Variants in DPYD observed in about 807,000 individuals in gnomAD.
DPYD encodes dihydropyrimidine dehydrogenase [NADP(+)].
DPYD carries 109 observed loss-of-function variants against 116.2 expected under a neutral mutation model. The observed-to-expected ratio is 0.94, with a 90% CI of 0.80 to 1.10. DPYD has a LOEUF of 1.10. DPYD is among the 50% of genes least tolerant of loss of function. The pLI is 0.00. For missense variants in DPYD, 1,302 were observed against 1,254.5 expected, an observed-to-expected ratio of 1.04 and a Z score of -0.57; for synonymous variants, 440 against 432.0, an observed-to-expected ratio of 1.02 and a Z score of -0.23.
chr1:97,425,617 A>C (rs984147591), intron 14 of DPYD, among the ~76,000 whole-genome samples: 2 of 152,068 alleles, frequency 1.3e-5, no homozygotes, highest in Non-Finnish European at 2.9e-5. Flanking sequence ...ATCTATAATG[A>C]TTCATATATG....
intron 20 of DPYD, among the ~76,000 whole-genome samples, chr1:97,173,464 T>TA (rs1009288040): frequency 1.5e-5 from 2 of 130,406 alleles, no homozygotes; most frequent in African/African-American, 3.2e-5. Context: ...AGTATATATA[T>TA]ACACACATAA....
chr1:97,577,446 C>A (rs1359533305), intron 10 of DPYD, among the ~76,000 whole-genome samples: 1 of 152,148 alleles, frequency 6.6e-6, no homozygotes. Flanking sequence ...TTTAAACCAA[C>A]CAGTTAAAAT....
chr1:97,692,847 T>G (rs962537322), intron 6 of DPYD, among the ~76,000 whole-genome samples: 1 of 152,194 alleles, frequency 6.6e-6, no homozygotes, highest in Non-Finnish European at 1.5e-5. Context: ...GAGATTAATT[T>G]GGAAAATAAA....
At chr1:97,363,901 G>A (rs1023182305) in intron 16 of DPYD, among the ~76,000 whole-genome samples, 4 of 152,148 alleles carry the variant, frequency 2.6e-5, no homozygotes, top group South Asian at 2.1e-4. Flanking sequence ...GTATACCTAC[G>A]TAACAAACCT....
chr1:97,909,014 C>G (rs991063095), intron 1 of DPYD, among the ~76,000 whole-genome samples: 1 of 152,158 alleles, frequency 6.6e-6, no homozygotes, highest in Non-Finnish European at 1.5e-5. Context: ...ATGTTCACTG[C>G]TCTCATGTTC....
chr1:97,093,580 A>T (rs954695749), intron 21 of DPYD, among the ~76,000 whole-genome samples: 1 of 152,168 alleles, frequency 6.6e-6, no homozygotes, highest in Non-Finnish European at 1.5e-5. Flanking sequence ...TACTTTTATT[A>T]TTTCCATTTC....
chr1:97,523,863 C>A (rs80126442), intron 12 of DPYD, among the ~76,000 whole-genome samples: 1 of 151,810 alleles, frequency 6.6e-6, no homozygotes, highest in Non-Finnish European at 1.5e-5. Flanking sequence ...TCATTTAATG[C>A]GTATAGTGTT....
At chr1:97,424,106 A>G (rs1674735544) in intron 14 of DPYD, among the ~76,000 whole-genome samples, 1 of 152,146 alleles carries the variant, frequency 6.6e-6, no homozygotes, top group South Asian at 2.1e-4. Context: ...TTCCAATAAC[A>G]TCTAAAGCCA....
rs182433432 is a variant in DPYD, at chr1:97,540,528, T to C, written c.1524+9032A>G. ...AGCTTCTGTCCCTGTGGAGCTGGGG[T>C]GTGCCACCTTCTTGGCACACGGAAG... On this transcript the variant is annotated intron_variant, in intron 12 of 22. Coordinates refer to ENST00000370192, the MANE Select transcript of DPYD (RefSeq NM_000110.4). 1.3e-3 allele frequency among the ~76,000 whole-genome samples: 205 copies of C among 152,210 alleles called. 1 individual carries two copies. Among genetic ancestry groups the C allele is most frequent in the African/African-American group, 4.7e-3 (197 of 41,528 alleles).
chr1:97,800,918 T>C (rs1667815684), intron 3 of DPYD, among the ~76,000 whole-genome samples: 1 of 151,920 alleles, frequency 6.6e-6, no homozygotes, highest in Non-Finnish European at 1.5e-5. Context: ...TCTCCCTGAG[T>C]CTTACATCTC....
chr1:97,479,522 C>A (rs1678180863), intron 13 of DPYD, among the ~76,000 whole-genome samples: 1 of 152,090 alleles, frequency 6.6e-6, no homozygotes, highest in African/African-American at 2.4e-5. Context: ...CATCAAAGAT[C>A]ATTGGTGTAA....
chr1:97,108,104 G>A (rs1441899064), intron 20 of DPYD, among the ~76,000 whole-genome samples: 1 of 152,094 alleles, frequency 6.6e-6, no homozygotes, highest in Non-Finnish European at 1.5e-5. Context: ...CTGAGAAAAC[G>A]ATTAGCAGCC....
At chr1:97,596,814 C>T (rs2102264702) in intron 8 of DPYD, among the ~76,000 whole-genome samples, 1 of 152,310 alleles carries the variant, frequency 6.6e-6, no homozygotes, top group South Asian at 2.1e-4. Flanking sequence ...CATCCAGCAT[C>T]CCCTGAATCT....
At chr1:97,410,654 T>C (rs947126241) in intron 14 of DPYD, among the ~76,000 whole-genome samples, 6 of 152,148 alleles carry the variant, frequency 3.9e-5, no homozygotes, top group Non-Finnish European at 8.8e-5. Flanking sequence ...TAGTGTCACA[T>C]TGTGAGCATA....
Position 97,699,489 on chromosome 1 carries a change from T to G in DPYD, c.542A>C (p.Lys181Thr), listed in dbSNP as rs672601287. Reference protein sequence around the residue: ...IRNPSLPPPEKMSEAYSAKIA... With the variant: ...IRNPSLPPPETMSEAYSAKIA... ...CTTTGCAGAATAGGCTTCAGACATT[T>G]TTTCTGGGGGAGGCAGCGAAGGATT... The change falls in exon 6 of 23, where the codon AAA (lysine) becomes ACA (threonine). Residue 181 changes from lysine to threonine, a missense_variant. Coordinates refer to ENST00000370192, the MANE Select transcript of DPYD (RefSeq NM_000110.4). The G allele has an allele frequency of 1.2e-6, 2 of 1,613,562 alleles. No homozygotes were observed. The highest frequency in any genetic ancestry group is 2.2e-5 in the South Asian group (2 of 91,040).
intron 21 of DPYD, among the ~76,000 whole-genome samples, chr1:97,086,813 C>G (rs1191862661): frequency 1.3e-5 from 2 of 152,202 alleles, no homozygotes; most frequent in Non-Finnish European, 2.9e-5. Flanking sequence ...CTTTGTACAA[C>G]TTCTGCAAAT....
At chr1:97,200,256 G>T (rs754465851) in intron 19 of DPYD, among the ~76,000 whole-genome samples, 2 of 152,054 alleles carry the variant, frequency 1.3e-5, no homozygotes, top group Non-Finnish European at 2.9e-5. Context: ...TACACTTCAG[G>T]ACTTAGAAGT....
At chr1:97,500,094 A>T (rs1483640303) in intron 13 of DPYD, among the ~76,000 whole-genome samples, 1 of 152,000 alleles carries the variant, frequency 6.6e-6, no homozygotes, top group Non-Finnish European at 1.5e-5. Context: ...TAGGTGACTT[A>T]TTGAAATGAA....
intron 20 of DPYD, among the ~76,000 whole-genome samples, chr1:97,174,850 C>T (rs980982789): frequency 2.6e-5 from 4 of 152,134 alleles, no homozygotes; most frequent in African/African-American, 9.7e-5. Context: ...TACACATTCA[C>T]AAAACTACCA....
Sources: gnomAD v4.1 joint callset for allele counts (sites outside exome capture counted in the v4.1 genomes callset) on GRCh38, gnomAD v4.1.1 for gene constraint, MANE v1.5 for transcripts, NCBI Gene and HGNC (gene_info 2026-07-23, HGNC 2026-07-21) for gene names.